Variants in GRAMD2A observed in about 807,000 individuals in gnomAD.
GRAMD2A encodes the protein GRAM domain containing 2A.
Under a neutral mutation model 51.1 loss-of-function variants are expected in GRAMD2A, and 37 were observed. The observed-to-expected ratio is 0.72, with a 90% confidence interval of 0.56 to 0.95. The LOEUF is 0.95. GRAMD2A is among the 40% of genes least tolerant of loss of function. The pLI, the probability that GRAMD2A is intolerant of heterozygous loss-of-function variation, is 0.00. For missense variants in GRAMD2A, 414 were observed against 426.9 expected (o/e 0.97, Z 0.27); for synonymous variants, 136 against 157.1 (o/e 0.87, Z 1.01).
At chr15:72,193,562 G>T (rs985740579) in intron 1 of GRAMD2A, among the ~76,000 whole-genome samples, 3 of 148,332 alleles carry the variant, frequency 2.0e-5, no homozygotes, top group African/African-American at 7.5e-5. Context: ...TTGCTCTGTC[G>T]CCCAGGCTGG....
At position 72,170,209 on chromosome 15, in the gene GRAMD2A, C is replaced by A; in HGVS notation, c.42-270G>T. On this transcript the variant is annotated intron_variant, in intron 1 of 11. Transcript: ENST00000309731. This position sits in a 1 kb window ranked among gnomAD's most constrained non-coding sequence, Gnocchi z 4.5. ...GCTGGGAGGAAAATCAACCTGTCTACCTCATCTCCAGTGCCAGGCAGCTCG... is the reference window on the plus strand; with the variant it reads ...GCTGGGAGGAAAATCAACCTGTCTAACTCATCTCCAGTGCCAGGCAGCTCG... The A allele has an allele frequency of 1.7e-6, 1 of 581,544 alleles. No homozygotes were observed. Among genetic ancestry groups the A allele is most frequent in the South Asian group, 1.5e-5 (1 of 65,644 alleles). 36.0% of individuals were successfully genotyped at this position (581,544 alleles called of 1,614,324 possible).
At chr15:72,181,143 C>G (rs1447544396) in intron 1 of GRAMD2A, among the ~76,000 whole-genome samples, 2 of 152,182 alleles carry the variant, frequency 1.3e-5, no homozygotes, top group African/African-American at 2.4e-5. Context: ...CTAAATAGAG[C>G]CTTTGAGTCT....
chr15:72,193,608 C>T (rs1418307422), intron 1 of GRAMD2A, among the ~76,000 whole-genome samples: 4 of 151,846 alleles, frequency 2.6e-5, no homozygotes, highest in Non-Finnish European at 5.9e-5. Context: ...CTGCAAGCTC[C>T]GCCTCCCAGG....
At chr15:72,172,330 C>A (rs1168474319) in intron 1 of GRAMD2A, among the ~76,000 whole-genome samples, 1 of 151,734 alleles carries the variant, frequency 6.6e-6, no homozygotes, top group South Asian at 2.1e-4. Flanking sequence ...ACTGTGTTGT[C>A]CAGGCTGGTC....
At chr15:72,180,836 GAC>G (rs1397027441) in intron 1 of GRAMD2A, among the ~76,000 whole-genome samples, 1 of 152,196 alleles carries the variant, frequency 6.6e-6, no homozygotes, top group African/African-American at 2.4e-5. Context: ...GCCCAGGAGG[GAC>G]AACAAATGTT....
chr15:72,189,912 C>CCTTA (rs2081756295), intron 1 of GRAMD2A, among the ~76,000 whole-genome samples: 1 of 152,168 alleles, frequency 6.6e-6, no homozygotes, highest in South Asian at 2.1e-4. Context: ...CAAACCAAAC[C>CCTTA]CTTACTCAGT....
chr15:72,172,472 A>G (rs2081620801), intron 1 of GRAMD2A, among the ~76,000 whole-genome samples: 1 of 138,508 alleles, frequency 7.2e-6, no homozygotes, highest in African/African-American at 2.8e-5. Flanking sequence ...GCTGGAGTGC[A>G]GTGGTGTGAT....
At chr15:72,196,812 G>C (rs1001998424) in intron 1 of GRAMD2A, among the ~76,000 whole-genome samples, 6 of 152,188 alleles carry the variant, frequency 3.9e-5, no homozygotes, top group Non-Finnish European at 8.8e-5. Flanking sequence ...AGCCCCACCA[G>C]TCCCTCTGAG....
intron 1 of GRAMD2A, among the ~76,000 whole-genome samples, chr15:72,193,748 G>T (rs1321415537): frequency 6.7e-6 from 1 of 149,312 alleles, no homozygotes; most frequent in Admixed American, 6.7e-5. Flanking sequence ...GGATGGTCTC[G>T]ATCTCCTGAC....
At chr15:72,189,317 T>C (rs541491202) in intron 1 of GRAMD2A, among the ~76,000 whole-genome samples, 1 of 152,314 alleles carries the variant, frequency 6.6e-6, no homozygotes, top group South Asian at 2.1e-4. Context: ...GTGATAAAAA[T>C]CACACAAGAC....
chr15:72,166,325 C>G lies in GRAMD2A; in HGVS notation c.543+307G>C, dbSNP rs1318600534. 6.6e-6 allele frequency among the ~76,000 whole-genome samples: 1 copy of G among 152,206 alleles called. No homozygotes were observed. Among genetic ancestry groups the G allele is most frequent in the African/African-American group, 2.4e-5 (1 of 41,440 alleles). On this transcript the variant is annotated intron_variant, in intron 7 of 11. Coordinates refer to ENST00000309731, the MANE Select transcript of GRAMD2A (RefSeq NM_001012642.3). The surrounding 1 kb of genome is among the most constrained non-coding windows in gnomAD (Gnocchi z 4.1). ...GATGTTCTGTAGGTGATGTGTACCTCTATTAAACACATTTTTGACTTACGA... is the reference window on the plus strand; with the variant it reads ...GATGTTCTGTAGGTGATGTGTACCTGTATTAAACACATTTTTGACTTACGA...
In GRAMD2A at chr15:72,169,208, G is replaced by T. The variant is rs535280543; in HGVS notation, c.135-212C>A. The T allele has an allele frequency of 1.1e-3, 655 of 591,760 alleles. 6 individuals carry two copies. Among genetic ancestry groups the T allele is most frequent in the South Asian group, 8.2e-3 (423 of 51,572 alleles). The allele number at this position is 591,760 out of a possible 1,614,324, so 36.7% of individuals were successfully genotyped here. On this transcript the variant is annotated intron_variant, in intron 2 of 11. Transcript: ENST00000309731. ...CTGGGGGAGGGCACTGCGGGAGGTA[G>T]AGAGGGGTCGCCAAGGGCCCACCTT... is the stretch of plus-strand genomic sequence containing the variant.
chr15:72,167,535 G>T (rs1023840802), intron 5 of GRAMD2A, among the ~76,000 whole-genome samples: 1 of 152,258 alleles, frequency 6.6e-6, no homozygotes, highest in African/African-American at 2.4e-5. Flanking sequence ...GTGGGGTCCA[G>T]ATTGGGCCCC....
chr15:72,197,615 G>A, intron 1 of GRAMD2A, 116 bp downstream of exon 1: 1 of 822,120 alleles, frequency 1.2e-6, no homozygotes. Context: ...CCTGCCCCGT[G>A]GGCAGAACGC....
intron 1 of GRAMD2A, among the ~76,000 whole-genome samples, chr15:72,197,488 G>A (rs2081817915): frequency 6.6e-6 from 1 of 152,148 alleles, no homozygotes; most frequent in Admixed American, 6.5e-5. Context: ...CCCCCAGGTC[G>A]CAGCAGACTC....
At chr15:72,193,344 G>A (rs1485813747) in intron 1 of GRAMD2A, among the ~76,000 whole-genome samples, 1 of 149,944 alleles carries the variant, frequency 6.7e-6, no homozygotes, top group Non-Finnish European at 1.5e-5. Context: ...AGCCTCCCTA[G>A]TAGCTGAAAT....
rs1315706113 is a variant in GRAMD2A at position 72,161,396 on chromosome 15, CATGGAA to C, written c.*607_*612del. On this transcript the variant is annotated 3_prime_UTR_variant, in exon 12 of 12. Transcript: ENST00000309731. ...GCCGGCACAGAGCCCTGGCCCAGAG[CATGGAA>C]ATTCATCTCTGGCTGGAATCCTGGC... is the stretch of plus-strand genomic sequence containing the variant. The C allele has an allele frequency of 2.6e-5, 4 of 153,718 alleles. No homozygotes were observed. Among genetic ancestry groups the C allele is most frequent in the African/African-American group, 9.6e-5 (4 of 41,592 alleles). The allele number at this position is 153,718 out of a possible 1,614,324, so 9.5% of individuals were successfully genotyped here.
chr15:72,163,674 G>A lies in GRAMD2A; in HGVS notation c.684C>T (p.Ile228=). 6 of 1,609,004 alleles carry A rather than the reference G, an allele frequency of 3.7e-6. No individual in the cohort carries two copies. Among genetic ancestry groups the A allele is most frequent in the Non-Finnish European group, 4.2e-6 (5 of 1,178,670 alleles). The change falls in exon 9 of 12, where the codon ATC becomes ATT. Residue 228 remains isoleucine, a synonymous_variant. Transcript: ENST00000309731. ...CTGTGGAGTCCACGGATGATGGAGG[G>A]ATACAAGGGATGTTGTCTGGGAGAG... ...SLSLPDNIPC[I]PPSSVDSTDS... is the part of the protein sequence containing the mutation.
Position 72,168,563 on chromosome 15 carries a change from T to C in GRAMD2A, c.196A>G (p.Thr66Ala), listed in dbSNP as rs751755473. Residue 66 changes from threonine (T) to alanine (A), a missense_variant, in exon 4 of 12, where the codon ACA becomes GCA. Coordinates refer to ENST00000309731, the MANE Select transcript of GRAMD2A (RefSeq NM_001012642.3). The part of the protein sequence containing the change: ...EIKKCGREGI[T>A]LNKYNQQYHK... ...TATTGCTGGTTGTATTTATTCAGTG[T>C]TATCTGCAAACACACAGGCTGCGTC... 2 of 1,613,338 alleles carry C rather than the reference T, an allele frequency of 1.2e-6. No individual in the cohort carries two copies. Among genetic ancestry groups the C allele is most frequent in the South Asian group, 2.2e-5 (2 of 91,052 alleles).
Sources: allele counts gnomAD v4.1 joint callset (sites outside exome capture counted in the v4.1 genomes callset), GRCh38; gene constraint gnomAD v4.1.1; non-coding constraint Gnocchi (gnomAD v3.1); transcripts MANE v1.5; gene names NCBI Gene and HGNC (gene_info 2026-07-23, HGNC 2026-07-21).